Variants in PGLYRP3 observed in about 807,000 individuals in gnomAD.
The protein encoded by PGLYRP3 is peptidoglycan recognition protein I alpha.
PGLYRP3 carries 39 observed loss-of-function variants against 36.0 expected under a neutral mutation model. That is an observed-to-expected ratio of 1.08 (90% CI 0.84 to 1.41). The LOEUF (loss-of-function observed/expected upper bound fraction) is 1.41. Ranked by LOEUF, PGLYRP3 falls within the 40% of genes most tolerant of loss-of-function variation. The pLI is 0.00. For synonymous variants in PGLYRP3, 204 were observed against 172.8 expected (o/e 1.18, Z -1.42); for missense variants, 407 against 427.9 (o/e 0.95, Z 0.43).
rs760915273 is a variant in PGLYRP3 at position 153,307,246 on chromosome 1, C to T, written c.77G>A (p.Arg26His). 1.8e-5 allele frequency: 29 copies of T among 1,605,480 alleles called. No individual in the cohort carries two copies. The highest frequency in any genetic ancestry group is 4.5e-5 in the East Asian group (2 of 44,596). The stretch of plus-strand genomic sequence containing the variant: ...GAGCGGTCTTGCCCCCCACTCCTTG[C>T]GGGAGACGATGGTGGGAGTATCTGT... ...QAWDTPTIVSRKEWGARPLAC... is the reference protein window; with the variant it reads ...QAWDTPTIVSHKEWGARPLAC... Residue 26 changes from arginine to histidine, a missense_variant, in exon 3 of 8, where the codon CGC (arginine) becomes CAC (histidine). Transcript: ENST00000683862.
At chr1:153,301,274 T>G (rs1229984911) in intron 6 of PGLYRP3, among the ~76,000 whole-genome samples, 2 of 152,178 alleles carry the variant, frequency 1.3e-5, no homozygotes, top group African/African-American at 4.8e-5. Context: ...TTGATATATC[T>G]CGTCTAGCAC....
At chr1:153,300,716 C>T (rs771434529) in intron 6 of PGLYRP3, among the ~76,000 whole-genome samples, 19 of 152,338 alleles carry the variant, frequency 1.2e-4, no homozygotes, top group Admixed American at 2.6e-4. Context: ...CACTAATGAA[C>T]TGGTGTCACC....
intron 5 of PGLYRP3, 134 bp from the exon 6 acceptor site, chr1:153,302,741 T>G (rs1277714732): frequency 1.2e-6 from 1 of 834,962 alleles, no homozygotes; most frequent in African/African-American, 1.7e-5. Context: ...TAATGTAATA[T>G]CAGCTTTGGG....
chr1:153,306,949 A>G (rs2101522298), intron 3 of PGLYRP3, 117 bp downstream of exon 3: 2 of 997,696 alleles, frequency 2.0e-6, no homozygotes, highest in Non-Finnish European at 3.0e-6. Flanking sequence ...TACCATTTCT[A>G]TTCATTACAA....
intron 6 of PGLYRP3, among the ~76,000 whole-genome samples, chr1:153,300,628 A>T (rs1659567517): frequency 6.6e-6 from 1 of 152,218 alleles, no homozygotes; most frequent in South Asian, 2.1e-4. Flanking sequence ...CTTTTGCCAA[A>T]AACTTTCAAA....
intron 6 of PGLYRP3, among the ~76,000 whole-genome samples, chr1:153,302,045 G>A (rs1401051120): frequency 1.3e-5 from 2 of 152,170 alleles, no homozygotes; most frequent in Non-Finnish European, 2.9e-5. Context: ...TTTGGAGCTG[G>A]GCAGACTGAG....
chr1:153,297,781 G>A lies in PGLYRP3; in HGVS notation c.*175C>T. The A allele has an allele frequency of 1.5e-6, 1 of 676,730 alleles. No homozygotes were observed. The highest frequency in any genetic ancestry group is 3.0e-5 in the Admixed American group (1 of 32,868). The allele number at this position is 676,730 out of a possible 1,614,324, so 41.9% of individuals were successfully genotyped here. On this transcript the variant is annotated 3_prime_UTR_variant, in exon 8 of 8. Coordinates refer to ENST00000683862, the MANE Select transcript of PGLYRP3 (RefSeq NM_052891.3). The stretch of plus-strand genomic sequence containing the variant: ...CCAAGAGGGCTGTGAATGCCCAGCT[G>A]TGAGGTTTGGGGGCTCCTGGAGGAT...
chr1:153,302,434 G>A lies in PGLYRP3; in HGVS notation c.703C>T (p.Arg235Trp), dbSNP rs149128791. 87 of 1,614,028 alleles carry A rather than the reference G, an allele frequency of 5.4e-5. No individual in the cohort carries two copies. Among genetic ancestry groups the A allele is most frequent in the Middle Eastern group, 3.3e-4 (2 of 6,084 alleles). ...TGATATCCAATGTCACAAAAGTTCC[G>A]TGTGTCCATGTGAAAGGACTGTATG... ...RNIQSFHMDT[R>W]NFCDIGYHFL... The change falls in exon 6 of 8, where the codon CGG (arginine) becomes TGG (tryptophan). Residue 235 changes from arginine (R) to tryptophan (W), a missense_variant. Transcript: ENST00000683862.
At chr1:153,304,514 T>A (rs1659687140) in intron 4 of PGLYRP3, among the ~76,000 whole-genome samples, 1 of 152,238 alleles carries the variant, frequency 6.6e-6, no homozygotes. Flanking sequence ...ATCCCTGTTC[T>A]GTGCTTTTCT....
At chr1:153,304,309 G>T (rs1034704571) in intron 4 of PGLYRP3, among the ~76,000 whole-genome samples, 1 of 152,236 alleles carries the variant, frequency 6.6e-6, no homozygotes, top group Non-Finnish European at 1.5e-5. Context: ...ACCAAGTCAG[G>T]TGTGCACTAG....
In PGLYRP3 at chr1:153,307,410, AG is replaced by A. The variant is rs962151161; in HGVS notation, c.56-144del. ...CCCTGGGGGAGCCCTTCACCACCAAAGCCCCCTCCTTCTCTCCACTGTGGCT... is the reference window on the plus strand; with the variant it reads ...CCCTGGGGGAGCCCTTCACCACCAAACCCCCTCCTTCTCTCCACTGTGGCT... On this transcript the variant is annotated intron_variant, in intron 2 of 7. Coordinates refer to ENST00000683862, the MANE Select transcript of PGLYRP3 (RefSeq NM_052891.3). 5.5e-6 allele frequency: 4 copies of A among 731,750 alleles called. No homozygotes were observed. The East Asian group carries it at 8.2e-5, about 15-fold the overall frequency. 45.3% of individuals were successfully genotyped at this position (731,750 alleles called of 1,614,324 possible).
At chr1:153,307,377 G>A (rs1447910995) in intron 2 of PGLYRP3, 110 bp from the exon 3 acceptor site, 1 of 1,042,562 alleles carries the variant, frequency 9.6e-7, no homozygotes, top group Non-Finnish European at 1.4e-6. Flanking sequence ...CCCCATGCAT[G>A]GGAGACACCC....
Position 153,309,306 on chromosome 1 carries a change from T to C in PGLYRP3, c.55+1305A>G, listed in dbSNP as rs139372480. The stretch of plus-strand genomic sequence containing the variant: ...CTTCATGAGTTAAGCAAAGCAACTA[T>C]GCTGTCTATAGAGAAGGGAAACCAA... On this transcript the variant is annotated intron_variant, in intron 2 of 7. Transcript: ENST00000683862. Among the ~76,000 whole-genome samples, 741 of 152,330 alleles carry C rather than the reference T, an allele frequency of 4.9e-3. 7 individuals are homozygous for C. The highest frequency in any genetic ancestry group is 0.017 in the African/African-American group (716 of 41,570).
At chr1:153,298,624 C>G (rs77740039) in intron 7 of PGLYRP3, among the ~76,000 whole-genome samples, 2,337 of 152,216 alleles carry the variant, frequency 0.015, 48 homozygotes, top group East Asian at 0.098. Flanking sequence ...GACTGGGAGA[C>G]AGAGCGAGAC....
Position 153,304,016 on chromosome 1 carries a change from G to C in PGLYRP3, c.377-7C>G, listed in dbSNP as rs1224665911. 1 of 1,609,640 alleles carries C rather than the reference G, an allele frequency of 6.2e-7. No individual in the cohort carries two copies. Among genetic ancestry groups the C allele is most frequent in the Non-Finnish European group, 8.5e-7 (1 of 1,176,918 alleles). On this transcript the variant is annotated splice_region_variant and splice_polypyrimidine_tract_variant and intron_variant, in intron 4 of 7. Coordinates refer to ENST00000683862, the MANE Select transcript of PGLYRP3 (RefSeq NM_052891.3). ...GCAGGGCTGGGACTGCTGCCTTAAAGAGGAGGACAGGGAGCACAAAAATGT... is the reference window on the plus strand; with the variant it reads ...GCAGGGCTGGGACTGCTGCCTTAAACAGGAGGACAGGGAGCACAAAAATGT...
intron 3 of PGLYRP3, among the ~76,000 whole-genome samples, 156 bp from the exon 4 acceptor site, chr1:153,305,221 C>T (rs2101519868): frequency 6.6e-6 from 1 of 152,284 alleles, no homozygotes; most frequent in East Asian, 1.9e-4. Context: ...TTTTAGACCT[C>T]CAAGAGACAT....
chr1:153,299,204 C>T lies in PGLYRP3; in HGVS notation c.756G>A (p.Val252=), dbSNP rs779439422. The T allele has an allele frequency of 1.2e-6, 2 of 1,614,062 alleles. No homozygotes were observed. The highest frequency in any genetic ancestry group is 1.1e-5 in the South Asian group (1 of 91,072). The change falls in exon 7 of 8, where the codon GTG becomes GTA. Residue 252 remains valine (V), a synonymous_variant. Transcript: ENST00000683862. ...GGATGTGCCATCCAACCCCTTCATA[C>T]ACGCCACCATCCTGGCCCACCAGGA... ...YHFLVGQDGG[V]YEGVGWHIQG... is the part of the protein sequence containing the mutation.
At position 153,299,113 on chromosome 1, in the gene PGLYRP3, C is replaced by T; in HGVS notation, c.847G>A (p.Glu283Lys). The change falls in exon 7 of 8, where the codon GAA becomes AAA. Residue 283 changes from glutamate to lysine, a missense_variant and splice_region_variant. Physicochemically the swap from Glu to Lys is moderately conservative, Grantham distance 56. Transcript: ENST00000683862. ...LGIAFIGYFV[E>K]KPPNAAALEA... ...CCTCTACCCCATGCTCACCCCTTACCTACAAAGTAGCCGATGAAGGCAATT... is the reference window on the plus strand; with the variant it reads ...CCTCTACCCCATGCTCACCCCTTACTTACAAAGTAGCCGATGAAGGCAATT... 6.2e-7 allele frequency: 1 copy of T among 1,613,736 alleles called. No homozygotes were observed. Among genetic ancestry groups the T allele is most frequent in the Non-Finnish European group, 8.5e-7 (1 of 1,179,656 alleles).
Position 153,297,804 on chromosome 1 carries a change from G to T in PGLYRP3, c.*152C>A. ...CTGTGAGGTTTGGGGGCTCCTGGAG[G>T]ATGTTGGCAGGAAAGGACATGACCA... On this transcript the variant is annotated 3_prime_UTR_variant, in exon 8 of 8. Transcript: ENST00000683862. 1.2e-6 allele frequency: 1 copy of T among 839,440 alleles called. No individual in the cohort carries two copies. Among genetic ancestry groups the T allele is most frequent in the Non-Finnish European group, 1.8e-6 (1 of 545,058 alleles). 52.0% of individuals were successfully genotyped at this position (839,440 alleles called of 1,614,324 possible).
Sources: allele counts gnomAD v4.1 joint callset (sites outside exome capture counted in the v4.1 genomes callset), GRCh38; gene constraint gnomAD v4.1.1; transcripts MANE v1.5; gene names NCBI Gene and HGNC (gene_info 2026-07-23, HGNC 2026-07-21).